Variants in SYNE2 observed in about 807,000 individuals in gnomAD.
SYNE2 encodes nesprin-2.
SYNE2 carries 431 observed loss-of-function variants against 856.3 expected under a neutral mutation model. The observed-to-expected ratio is 0.50, with a 90% CI of 0.47 to 0.55. SYNE2 has a LOEUF of 0.55. SYNE2 is among the 20% of genes least tolerant of loss of function. SYNE2 has a pLI of 0.00. For synonymous variants in SYNE2, 2,923 were observed against 2,872.3 expected (o/e 1.02, Z -0.56); for missense variants, 8,129 against 8,023.2 (o/e 1.01, Z -0.50).
chr14:64,129,675 G>T (rs576657825), intron 74 of SYNE2, 107 bp from the exon 75 acceptor site: 1,348 of 1,517,636 alleles, frequency 8.9e-4, no homozygotes, highest in Non-Finnish European at 1.2e-3. Context: ...TGGGATTTTT[G>T]CTTTTCCCTT....
intron 64 of SYNE2, among the ~76,000 whole-genome samples, chr14:64,105,254 ACCT>A (rs1211695613): frequency 6.6e-6 from 1 of 152,176 alleles, no homozygotes; most frequent in Non-Finnish European, 1.5e-5. Context: ...ATCATGCGAA[ACCT>A]CAGCCTAAAA....
intron 61 of SYNE2, among the ~76,000 whole-genome samples, chr14:64,097,694 C>G (rs1233986806): frequency 6.6e-6 from 1 of 152,266 alleles, no homozygotes; most frequent in Non-Finnish European, 1.5e-5. Flanking sequence ...CATGCTTTGG[C>G]TCAACCCGCA....
At chr14:63,815,836 T>C (rs1210375928) in intron 1 of SYNE2, among the ~76,000 whole-genome samples, 1 of 152,150 alleles carries the variant, frequency 6.6e-6, no homozygotes, top group African/African-American at 2.4e-5. Context: ...GCCTCAAATC[T>C]ATAAATCTCC....
At chr14:63,948,331 T>G (rs577592445) in intron 6 of SYNE2, among the ~76,000 whole-genome samples, 343 of 152,298 alleles carry the variant, frequency 2.3e-3, no homozygotes, top group Non-Finnish European at 3.9e-3. Context: ...TTTCTAATTT[T>G]TATTACTATT....
At chr14:64,002,680 T>G (rs1305518444) in intron 29 of SYNE2, 40 bp from the exon 30 acceptor site, 1 of 1,604,308 alleles carries the variant, frequency 6.2e-7, no homozygotes, top group Non-Finnish European at 8.5e-7. Flanking sequence ...CCTTTCTTTT[T>G]TCCACCTCAG....
At chr14:63,939,927 G>A (rs1050173929) in intron 2 of SYNE2, among the ~76,000 whole-genome samples, 5 of 152,100 alleles carry the variant, frequency 3.3e-5, no homozygotes, top group African/African-American at 1.2e-4. Context: ...ATGATTTCAT[G>A]TGCCATTTAA....
Position 63,993,938 on chromosome 14 carries a change from A to G in SYNE2, c.2750A>G (p.Glu917Gly). Reference sequence around the variant, plus strand: ...GAGGACATAAAGATGTCTTTAGAAGAAAAGAGTAGAGATGTCTGTGCCAAA... The same window carrying G: ...GAGGACATAAAGATGTCTTTAGAAGGAAAGAGTAGAGATGTCTGTGCCAAA... ...VTEDIKMSLE[E>G]KSRDVCAKWE... Residue 917 changes from glutamate to glycine, a missense_variant, in exon 22 of 116, where the codon GAA becomes GGA. This residue lies in a region of SYNE2 where 2,422 missense variants were observed against 2,357.4 expected (regional missense o/e 1.03). Coordinates refer to ENST00000555002, the MANE Select transcript of SYNE2 (RefSeq NM_182914.3). 1 of 1,613,840 alleles carries G rather than the reference A, an allele frequency of 6.2e-7. No homozygotes were observed. Among genetic ancestry groups the G allele is most frequent in the Non-Finnish European group, 8.5e-7 (1 of 1,179,784 alleles).
rs780796882 is a variant in SYNE2 at position 63,967,831 on chromosome 14, T to A, written c.1113T>A (p.Asp371Glu). 6 of 1,614,086 alleles carry A rather than the reference T, an allele frequency of 3.7e-6. No homozygotes were observed. Among genetic ancestry groups the A allele is most frequent in the Non-Finnish European group, 4.2e-6 (5 of 1,179,970 alleles). Reference protein sequence around the residue: ...KDHLQLREAWDGLDHQINAWK... With the variant: ...KDHLQLREAWEGLDHQINAWK... Reference sequence around the variant, plus strand: ...ATTTACAGTTGAGAGAAGCCTGGGATGGCCTCGATCACCAGGTGACTGTTT... The same window carrying A: ...ATTTACAGTTGAGAGAAGCCTGGGAAGGCCTCGATCACCAGGTGACTGTTT... The change falls in exon 11 of 116, where the codon GAT (aspartate) becomes GAA (glutamate). Residue 371 changes from aspartate to glutamate, a missense_variant. Asp to Glu is a conservative substitution (Grantham distance 45). Transcript: ENST00000555002.
intron 1 of SYNE2, among the ~76,000 whole-genome samples, chr14:63,887,271 C>A (rs992623676): frequency 2.0e-5 from 3 of 150,912 alleles, no homozygotes; most frequent in Admixed American, 2.0e-4. Flanking sequence ...CAGAGTGAGA[C>A]TCCATCTCAA....
At chr14:64,161,956 C>T in intron 87 of SYNE2, 116 bp from the exon 88 acceptor site, 1 of 1,099,686 alleles carries the variant, frequency 9.1e-7, no homozygotes, top group Non-Finnish European at 1.4e-6. Flanking sequence ...AACCATTTAA[C>T]AGTGTCTTCT....
At chr14:63,852,956 C>A (rs1014203614), upstream of SYNE2, 1 of 151,536 alleles carries the variant, frequency 6.6e-6, no homozygotes, top group East Asian at 2.0e-4. Context: ...GGGGAAGGCG[C>A]GGGGCGTGGT....
In SYNE2 at chr14:64,026,590, G is replaced by A. The variant is rs1411058162; in HGVS notation, c.6264G>A (p.Leu2088=). ...TTTATTTAATTCAGGAAATCATTTT[G>A]CTGAAGCCTGAAGGGGATGCCAGAA... ...ERIQKIKEII[L]LKPEGDARIE... The change falls in exon 42 of 116, where the codon TTG becomes TTA. Residue 2088 remains leucine (L), a synonymous_variant. Coordinates refer to ENST00000555002, the MANE Select transcript of SYNE2 (RefSeq NM_182914.3). 6.2e-7 allele frequency: 1 copy of A among 1,612,900 alleles called. No individual in the cohort carries two copies. Among genetic ancestry groups the A allele is most frequent in the African/African-American group, 1.3e-5 (1 of 74,876 alleles).
At chr14:63,981,232 C>A in intron 16 of SYNE2, 59 bp downstream of exon 16, 1 of 1,404,684 alleles carries the variant, frequency 7.1e-7, no homozygotes, top group Non-Finnish European at 1.0e-6. Context: ...TATTTTGTGA[C>A]CCTCATTTTC....
chr14:63,891,085 T>A (rs766382042), intron 1 of SYNE2, among the ~76,000 whole-genome samples: 1 of 152,192 alleles, frequency 6.6e-6, no homozygotes, highest in East Asian at 1.9e-4. Flanking sequence ...CACGCCCTCA[T>A]GTTAGAATAA....
intron 1 of SYNE2, among the ~76,000 whole-genome samples, chr14:63,814,550 A>T (rs1337597322): frequency 1.4e-5 from 2 of 139,196 alleles, no homozygotes; most frequent in South Asian, 2.2e-4. Flanking sequence ...ATATATATCC[A>T]TTATATATAA....
At chr14:63,896,350 C>T (rs2095252602) in intron 1 of SYNE2, among the ~76,000 whole-genome samples, 1 of 152,140 alleles carries the variant, frequency 6.6e-6, no homozygotes, top group Non-Finnish European at 1.5e-5. Flanking sequence ...TGTGGGATCA[C>T]ACTGAAATAC....
At chr14:64,217,652 G>A (rs1329056403) in intron 108 of SYNE2, among the ~76,000 whole-genome samples, 3 of 152,140 alleles carry the variant, frequency 2.0e-5, no homozygotes, top group Non-Finnish European at 2.9e-5. Context: ...CCCTTCCTGT[G>A]ATGACGCCTG....
chr14:64,075,592 T>G, intron 53 of SYNE2: 1 of 244,370 alleles, frequency 4.1e-6, no homozygotes, highest in Non-Finnish European at 7.9e-6. Context: ...AAAACTTCTT[T>G]GAAACTTTTT....
At chr14:64,221,830 G>A (rs781644086) in intron 112 of SYNE2, 126 bp downstream of exon 112, 24 of 1,146,454 alleles carry the variant, frequency 2.1e-5, no homozygotes, top group South Asian at 7.6e-5. Context: ...GTAAATGCAC[G>A]AGTTCAGCCC....
Sources: gnomAD v4.1 joint callset for allele counts (sites outside exome capture counted in the v4.1 genomes callset) on GRCh38, gnomAD v4.1.1 for gene constraint, gnomAD v4.1.1 regional missense constraint, MANE v1.5 for transcripts, NCBI Gene and HGNC (gene_info 2026-07-23, HGNC 2026-07-21) for gene names.